Variants in NOTCH3 observed in about 807,000 individuals in gnomAD.
NOTCH3 encodes notch receptor 3, also known as neurogenic locus notch homolog protein 3.
Under a neutral mutation model 213.3 loss-of-function variants are expected in NOTCH3, and 86 were observed. The observed-to-expected ratio is 0.40, with a 90% CI of 0.34 to 0.48. The LOEUF (loss-of-function observed/expected upper bound fraction) is 0.48. NOTCH3 is among the 20% of genes least tolerant of loss of function. The pLI is 0.57. For missense variants in NOTCH3, 2,783 were observed against 3,272.6 expected, an observed-to-expected ratio of 0.85 and a Z score of 3.65; for synonymous variants, 1,354 against 1,355.9, an observed-to-expected ratio of 1.00 and a Z score of 0.03.
chr19:15,193,139 A>T (rs774647315), intron 2 of NOTCH3, among the ~76,000 whole-genome samples: 1 of 152,162 alleles, frequency 6.6e-6, no homozygotes, highest in Non-Finnish European at 1.5e-5. Flanking sequence ...ACCATGAAGG[A>T]TGTAGTCAGT....
In NOTCH3 at chr19:15,177,708, C is replaced by T; in HGVS notation, c.4220G>A (p.Ser1407Asn). 1 of 1,536,116 alleles carries T rather than the reference C, an allele frequency of 6.5e-7. No individual in the cohort carries two copies. Among genetic ancestry groups the T allele is most frequent in the Middle Eastern group, 2.3e-4 (1 of 4,422 alleles). ...GDQRCDRECN[S>N]PGCGWDGGDC... is the part of the protein sequence containing the mutation. ...GCCGCCGTCCCAGCCGCAGCCTGGG[C>T]TGTTGCACTCGCGGTCGCAGCGCTG... The change falls in exon 24 of 33, where the codon AGC becomes AAC. Residue 1407 changes from serine (S) to asparagine (N), a missense_variant. By Grantham distance (46) the Ser-to-Asn change is conservative. Transcript: ENST00000263388.
In NOTCH3 at chr19:15,171,153, G is replaced by C. The variant is rs1393483676; in HGVS notation, c.4737-328C>G. 7.9e-5 allele frequency among the ~76,000 whole-genome samples: 12 copies of C among 152,182 alleles called. 1 individual carries two copies. Among genetic ancestry groups the C allele is most frequent in the African/African-American group, 2.9e-4 (12 of 41,534 alleles). ...CGATTCTCCTGCCTCAGCCTCCCAA[G>C]TAGCTGGGATTACAGGCGTGTGCCA... On this transcript the variant is annotated intron_variant, in intron 25 of 32. Transcript: ENST00000263388.
rs770738972 is a variant in NOTCH3 at position 15,187,130 on chromosome 19, G to A, written c.1815C>T (p.Leu605=). The part of the protein sequence containing the change: ...GKCLDLVDKY[L]CRCPSGTTGV... ...CTGTGGTCCCAGAAGGGCAGCGGCAGAGGTACTTGTCCACCAGGTCTAGGC... is the reference window on the plus strand; with the variant it reads ...CTGTGGTCCCAGAAGGGCAGCGGCAAAGGTACTTGTCCACCAGGTCTAGGC... Residue 605 remains leucine (L), a synonymous_variant, in exon 11 of 33, where the codon CTC becomes CTT. Transcript: ENST00000263388. 6 of 1,614,144 alleles carry A rather than the reference G, an allele frequency of 3.7e-6. No homozygotes were observed. The highest frequency in any genetic ancestry group is 5.1e-6 in the Non-Finnish European group (6 of 1,180,024).
At chr19:15,169,190 C>G (rs931838964) in intron 28 of NOTCH3, among the ~76,000 whole-genome samples, 43 of 2,770 alleles carry the variant, frequency 0.016, no homozygotes, top group African/African-American at 0.051. Context: ...AAATCTGTCT[C>G]TCTCTCTCTC....
chr19:15,169,955 T>G, intron 28 of NOTCH3, 131 bp downstream of exon 28: 2 of 648,904 alleles, frequency 3.1e-6, no homozygotes, highest in South Asian at 3.5e-5. Flanking sequence ...GCTGGGACTA[T>G]TCTCTGGAGC....
intron 20 of NOTCH3, 160 bp from the exon 21 acceptor site, chr19:15,179,656 C>T (rs1270825581): frequency 2.7e-6 from 2 of 749,172 alleles, no homozygotes; most frequent in African/African-American, 3.4e-5. Flanking sequence ...CCGAGGTGGG[C>T]AGATCACCTG....
chr19:15,180,532 C>A, intron 19 of NOTCH3, 149 bp downstream of exon 19: 1 of 978,326 alleles, frequency 1.0e-6, no homozygotes, highest in Non-Finnish European at 1.5e-6. Context: ...GGCCAGTTGT[C>A]ACATGCTCAC....
rs975117601 is a variant in NOTCH3, at chr19:15,197,767, G to A, written c.119-189C>T. On this transcript the variant is annotated intron_variant, in intron 1 of 32. Coordinates refer to ENST00000263388, the MANE Select transcript of NOTCH3 (RefSeq NM_000435.3). Reference sequence around the variant, plus strand: ...CCCCCCCGCCCCAGCCCCAGCTGTTGAGGCTGCAGCTGTCCCTGCCAGCTC... The same window carrying A: ...CCCCCCCGCCCCAGCCCCAGCTGTTAAGGCTGCAGCTGTCCCTGCCAGCTC... Among the ~76,000 whole-genome samples the A allele has an allele frequency of 2.6e-4, 35 of 134,416 alleles. 1 individual carries two copies. The highest frequency in any genetic ancestry group is 3.8e-4 in the Non-Finnish European group (25 of 65,046). The allele number at this position is 134,416 out of a possible 152,430, so 88.2% of individuals were successfully genotyped here. A position where few individuals can be genotyped will look rare whatever the true frequency, so the allele number is the denominator to read the frequency against.
chr19:15,196,064 A>G (rs181899911), intron 2 of NOTCH3, among the ~76,000 whole-genome samples: 338 of 148,844 alleles, frequency 2.3e-3, no homozygotes, highest in African/African-American at 8.0e-3. Flanking sequence ...CCTTGAAAGG[A>G]CTTGAGTATT....
Position 15,189,057 on chromosome 19 carries a change from G to C in NOTCH3, c.1310C>G (p.Ser437Trp), listed in dbSNP as rs757495623. The C allele has an allele frequency of 1.2e-6, 2 of 1,613,150 alleles. No individual in the cohort carries two copies. The highest frequency in any genetic ancestry group is 1.1e-5 in the South Asian group (1 of 91,090). ...RCETDVNECL[S>W]GPCRNQATCL... ...CGTGGCCTGGTTTCGGCAGGGCCCC[G>C]ACAGACACTCGTTGACATCGGTCTC... is the stretch of plus-strand genomic sequence containing the variant. Residue 437 changes from serine (S) to tryptophan (W), a missense_variant, in exon 8 of 33, where the codon TCG becomes TGG. Physicochemically the swap from Ser to Trp is radical, Grantham distance 177. This residue lies in a region of NOTCH3 where 708 missense variants were observed against 906.6 expected (regional missense o/e 0.78). Coordinates refer to ENST00000263388, the MANE Select transcript of NOTCH3 (RefSeq NM_000435.3).
chr19:15,165,271 G>T lies in NOTCH3; in HGVS notation c.5815+97C>A. 1 of 1,289,170 alleles carries T rather than the reference G, an allele frequency of 7.8e-7. No homozygotes were observed. Among genetic ancestry groups the T allele is most frequent in the Non-Finnish European group, 1.1e-6 (1 of 896,932 alleles). The allele number at this position is 1,289,170 out of a possible 1,614,324, so 79.9% of individuals were successfully genotyped here. A position where few individuals can be genotyped will look rare whatever the true frequency, so the allele number is the denominator to read the frequency against. ...TGGTTATGTGTGCGTGAGCTTCAGT[G>T]ATTGGGTCTCAACATGGGTATGAAT... On this transcript the variant is annotated intron_variant, in intron 31 of 32. Coordinates refer to ENST00000263388, the MANE Select transcript of NOTCH3 (RefSeq NM_000435.3). This position sits in a 1 kb window ranked among gnomAD's most constrained non-coding sequence, Gnocchi z 4.7.
chr19:15,200,730 G>T, intron 1 of NOTCH3, 58 bp downstream of exon 1: 1 of 1,193,906 alleles, frequency 8.4e-7, no homozygotes, highest in African/African-American at 1.6e-5. Context: ...CGGCCTTGGG[G>T]GTTCTTGCAC....
intron 15 of NOTCH3, 56 bp from the exon 16 acceptor site, chr19:15,184,506 A>C: frequency 1.1e-5 from 17 of 1,564,352 alleles, no homozygotes; most frequent in East Asian, 2.3e-5. Flanking sequence ...GCAGGGTCTC[A>C]GGGACCTGGG....
At chr19:15,181,461 G>T (rs2046840716) in intron 17 of NOTCH3, 115 bp downstream of exon 17, 1 of 856,854 alleles carries the variant, frequency 1.2e-6, no homozygotes, top group African/African-American at 1.7e-5. Context: ...ATCAGAGTCC[G>T]CAGTGGGTAC....
intron 12 of NOTCH3, 97 bp downstream of exon 12, chr19:15,186,781 A>C: frequency 1.0e-6 from 1 of 965,944 alleles, no homozygotes; most frequent in Non-Finnish European, 1.7e-6. Flanking sequence ...ACCTCGTTGG[A>C]CAAGAGTCTG....
In NOTCH3 at chr19:15,185,408, C is replaced by A; in HGVS notation, c.2145G>T (p.Gly715=). 6.2e-7 allele frequency: 1 copy of A among 1,612,094 alleles called. No homozygotes were observed. Among genetic ancestry groups the A allele is most frequent in the East Asian group, 2.2e-5 (1 of 44,856 alleles). ...AGCCAGGCTCACACACACAGCGGAA[C>A]CTGGCAGGGGAAGGTAGTCAGGCCA... The part of the protein sequence containing the change: ...SHGICYDAPG[G]FRCVCEPGWS... Residue 715 remains glycine (G), a splice_region_variant and synonymous_variant, in exon 14 of 33, where the codon GGG becomes GGT. Transcript: ENST00000263388. The surrounding 1 kb of genome is among the most constrained non-coding windows in gnomAD (Gnocchi z 4.2).
At chr19:15,172,668 CTTTTTTTTTT>C (rs762705777) in intron 25 of NOTCH3, among the ~76,000 whole-genome samples, 4 of 139,898 alleles carry the variant, frequency 2.9e-5, no homozygotes, top group African/African-American at 1.1e-4. Flanking sequence ...TTTTCTTTTT[CTTTTTTTTTT>C]TTTTTGAGAC....
rs1282397366 is a variant in NOTCH3, at chr19:15,181,770, G to C, written c.2598C>G (p.Asp866Glu). 6.4e-7 allele frequency: 1 copy of C among 1,566,100 alleles called. No homozygotes were observed. The highest frequency in any genetic ancestry group is 8.7e-7 in the Non-Finnish European group (1 of 1,155,030). Residue 866 changes from aspartate to glutamate, a missense_variant, in exon 17 of 33, where the codon GAC (aspartate) becomes GAG (glutamate). Asp to Glu is a conservative substitution (Grantham distance 45). Transcript: ENST00000263388. ...NPCLNGGSCQDGVGSFSCSCL... is the reference protein window; with the variant it reads ...NPCLNGGSCQEGVGSFSCSCL... ...AGGAGCAGGAAAAGGAGCCCACGCC[G>C]TCTTGGCACGAGCCACCGTTCAGGC...
chr19:15,164,511 A>G (rs1300443929), intron 31 of NOTCH3, among the ~76,000 whole-genome samples: 1 of 147,598 alleles, frequency 6.8e-6, no homozygotes, highest in East Asian at 2.0e-4. Context: ...ATTGCACTCC[A>G]GCCTGGGTGA....
Sources: allele counts gnomAD v4.1 joint callset (sites outside exome capture counted in the v4.1 genomes callset), GRCh38; gene constraint gnomAD v4.1.1; regional missense constraint gnomAD v4.1.1; non-coding constraint Gnocchi (gnomAD v3.1); transcripts MANE v1.5; gene names NCBI Gene and HGNC (gene_info 2026-07-23, HGNC 2026-07-21).